TTC28: variants seen among roughly 807,000 people sequenced by gnomAD.
TTC28 encodes tetratricopeptide repeat protein 28.
Under a neutral mutation model 198.0 loss-of-function variants are expected in TTC28, and 61 were observed. The ratio of observed to expected loss-of-function variants is 0.31; its 90% CI spans 0.25 to 0.38. The LOEUF (loss-of-function observed/expected upper bound fraction) is 0.38. TTC28 is among the 10% of genes least tolerant of loss of function. The pLI is 1.00. For synonymous variants in TTC28, 1,171 were observed against 1,297.8 expected (o/e 0.90, Z 2.10); for missense variants, 2,678 against 3,164.0 (o/e 0.85, Z 3.69).
At chr22:28,106,762 T>G (rs1451749146) in intron 7 of TTC28, among the ~76,000 whole-genome samples, 2 of 152,182 alleles carry the variant, frequency 1.3e-5, no homozygotes, top group Non-Finnish European at 2.9e-5. Context: ...CTCATTCTAA[T>G]GTAGTCAAAA....
chr22:28,054,246 G>A (rs1173335870), intron 12 of TTC28, among the ~76,000 whole-genome samples: 1 of 152,150 alleles, frequency 6.6e-6, no homozygotes, highest in African/African-American at 2.4e-5. Flanking sequence ...CCCGCATGCA[G>A]CAGATTGCTT....
intron 2 of TTC28, among the ~76,000 whole-genome samples, chr22:28,549,770 C>CA (rs2145956761): frequency 6.6e-6 from 1 of 152,180 alleles, no homozygotes; most frequent in South Asian, 2.1e-4. Flanking sequence ...ATTTGCAAAA[C>CA]AAAAAATGTG....
At chr22:28,255,357 C>A (rs1930824147) in intron 5 of TTC28, among the ~76,000 whole-genome samples, 2 of 152,098 alleles carry the variant, frequency 1.3e-5, no homozygotes, top group African/African-American at 2.4e-5. Flanking sequence ...GAGGGAGGAG[C>A]TAAATGAACA....
At chr22:28,646,147 A>T (rs1248645295) in intron 1 of TTC28, among the ~76,000 whole-genome samples, 2 of 152,154 alleles carry the variant, frequency 1.3e-5, no homozygotes, top group Non-Finnish European at 2.9e-5. Flanking sequence ...TGCCGATGAT[A>T]TGATAGCATA....
intron 1 of TTC28, among the ~76,000 whole-genome samples, chr22:28,660,463 C>T (rs1393409241): frequency 6.6e-6 from 1 of 152,156 alleles, no homozygotes; most frequent in Non-Finnish European, 1.5e-5. Flanking sequence ...GTAGCTGGGA[C>T]TGCAGGCACA....
intron 5 of TTC28, among the ~76,000 whole-genome samples, chr22:28,228,095 G>A (rs1389137503): frequency 6.6e-6 from 1 of 152,052 alleles, no homozygotes; most frequent in East Asian, 1.9e-4. Flanking sequence ...CATTAAAAGT[G>A]AAATAAGGCA....
intron 2 of TTC28, among the ~76,000 whole-genome samples, chr22:28,585,280 T>C (rs914250490): frequency 2.0e-5 from 3 of 152,196 alleles, no homozygotes; most frequent in African/African-American, 7.2e-5. Flanking sequence ...CACCATAATG[T>C]AGAATCAGTG....
At chr22:28,008,841 C>T (rs570925127) in intron 14 of TTC28, among the ~76,000 whole-genome samples, 41 of 152,258 alleles carry the variant, frequency 2.7e-4, no homozygotes, top group Middle Eastern at 3.4e-3. Context: ...GAGGGAGGGA[C>T]GCTGGAGAGA....
rs530459950 is a variant in TTC28 at position 28,221,096 on chromosome 22, G to T, written c.934-57497C>A. 5.0e-4 allele frequency among the ~76,000 whole-genome samples: 76 copies of T among 152,278 alleles called. 1 individual carries two copies. In the South Asian group the frequency reaches 0.015, roughly 30 times the overall value. On this transcript the variant is annotated intron_variant, in intron 5 of 22. Transcript: ENST00000397906. ...GCAGGTGACGATGGTGTGGCTCCAG[G>T]AAAGTTGTTAGTTGGAGCAGGATCC...
intron 2 of TTC28, among the ~76,000 whole-genome samples, chr22:28,614,284 G>T (rs1305282525): frequency 1.3e-5 from 2 of 152,112 alleles, no homozygotes; most frequent in Non-Finnish European, 2.9e-5. Context: ...ACTGCTCAAG[G>T]AAATAACAGA....
At chr22:28,651,888 G>A (rs148503220) in intron 1 of TTC28, among the ~76,000 whole-genome samples, 246 of 152,124 alleles carry the variant, frequency 1.6e-3, no homozygotes, top group African/African-American at 5.5e-3. Context: ...TGCCCAGACT[G>A]GAGTGCAACG....
chr22:28,037,649 T>A lies in TTC28; in HGVS notation c.3933-7283A>T, dbSNP rs551938687. On this transcript the variant is annotated intron_variant, in intron 12 of 22. Coordinates refer to ENST00000397906, the MANE Select transcript of TTC28 (RefSeq NM_001145418.2). ...CTCTCACCACTCCTATTCAACATAG[T>A]GTTGGAAGTTCTGGCCAGGGCAATC... Among the ~76,000 whole-genome samples the A allele has an allele frequency of 9.9e-5, 15 of 152,232 alleles. No individual in the cohort carries two copies. In the South Asian group the frequency reaches 3.1e-3, roughly 32 times the overall value.
At chr22:28,293,224 A>G (rs2044821162) in intron 5 of TTC28, among the ~76,000 whole-genome samples, 1 of 152,232 alleles carries the variant, frequency 6.6e-6, no homozygotes, top group Non-Finnish European at 1.5e-5. Context: ...TCAAGAAACG[A>G]AAGTGTAAAG....
chr22:28,658,013 A>T (rs982410440), intron 1 of TTC28, among the ~76,000 whole-genome samples: 3 of 152,226 alleles, frequency 2.0e-5, no homozygotes, highest in Non-Finnish European at 4.4e-5. Flanking sequence ...AATTTAGTAA[A>T]GAATTTTTTA....
chr22:27,996,231 C>T lies in TTC28; in HGVS notation c.5148G>A (p.Lys1716=). Residue 1716 remains lysine (K), a synonymous_variant, in exon 17 of 23, where the codon AAG becomes AAA. Transcript: ENST00000397906. ...CGATGAGTGATGAGGGGCTGTTCAG[C>T]TTAACGTCACTCCCGATGAGCATGA... ...AGFMLIGSDV[K]LNSPSSLIGQ... is the part of the protein sequence containing the mutation. 6.4e-7 allele frequency: 1 copy of T among 1,551,186 alleles called. No homozygotes were observed. Among genetic ancestry groups the T allele is most frequent in the East Asian group, 2.4e-5 (1 of 40,904 alleles).
chr22:28,157,619 G>T (rs1468662857), intron 6 of TTC28, among the ~76,000 whole-genome samples: 1 of 152,010 alleles, frequency 6.6e-6, no homozygotes, highest in Admixed American at 6.6e-5. Context: ...TGGCAAGGAT[G>T]GTTCAATAAA....
At chr22:28,429,332 C>T (rs1440904704) in intron 2 of TTC28, among the ~76,000 whole-genome samples, 1 of 152,156 alleles carries the variant, frequency 6.6e-6, no homozygotes, top group Non-Finnish European at 1.5e-5. Flanking sequence ...CTACCTTTCT[C>T]CCTCCAGGGC....
At chr22:28,366,445 C>T (rs993895027) in intron 2 of TTC28, among the ~76,000 whole-genome samples, 1 of 152,030 alleles carries the variant, frequency 6.6e-6, no homozygotes, top group Admixed American at 6.5e-5. Flanking sequence ...CTTGTCCCTA[C>T]TTTCTTAGAT....
intron 6 of TTC28, among the ~76,000 whole-genome samples, chr22:28,151,701 C>T (rs558467058): frequency 1.3e-5 from 2 of 152,168 alleles, no homozygotes; most frequent in Non-Finnish European, 2.9e-5. Context: ...AGAAAAATCT[C>T]CTGCTTTGGT....
Sources: gnomAD v4.1 joint callset for allele counts (sites outside exome capture counted in the v4.1 genomes callset) on GRCh38, gnomAD v4.1.1 for gene constraint, MANE v1.5 for transcripts, NCBI Gene and HGNC (gene_info 2026-07-23, HGNC 2026-07-21) for gene names.